Variants in TEK observed in about 807,000 individuals in gnomAD.
The protein encoded by TEK is angiopoietin-1 receptor.
TEK carries 43 observed loss-of-function variants against 131.8 expected under a neutral mutation model. That is an observed-to-expected ratio of 0.33 (90% CI 0.26 to 0.42). TEK has a LOEUF of 0.42. Among genes scored for constraint, TEK ranks in the 10% least tolerant of loss-of-function variants. TEK has a pLI of 1.00. For synonymous variants in TEK, 580 were observed against 491.6 expected, an observed-to-expected ratio of 1.18 and a Z score of -2.38; for missense variants, 1,162 against 1,384.4, an observed-to-expected ratio of 0.84 and a Z score of 2.55.
chr9:27,185,396 T>C (rs1824557377), intron 8 of TEK, 89 bp from the exon 9 acceptor site: 1 of 1,518,608 alleles, frequency 6.6e-7, no homozygotes, highest in Admixed American at 1.7e-5. Flanking sequence ...GGAAACTTCT[T>C]ATTAAACAAT....
intron 21 of TEK, among the ~76,000 whole-genome samples, chr9:27,221,136 A>G (rs12352450): frequency 0.012 from 1,760 of 152,288 alleles, 32 homozygotes; most frequent in African/African-American, 0.039. Flanking sequence ...TCCCCTCACA[A>G]TGTAAAAAAA....
intron 1 of TEK, among the ~76,000 whole-genome samples, chr9:27,149,507 A>C (rs1439861517): frequency 6.6e-6 from 1 of 152,202 alleles, no homozygotes; most frequent in Non-Finnish European, 1.5e-5. Context: ...CCTACTAGGA[A>C]GGCTAGGTGA....
At chr9:27,115,537 C>A (rs1011269541) in intron 1 of TEK, among the ~76,000 whole-genome samples, 2 of 151,912 alleles carry the variant, frequency 1.3e-5, no homozygotes, top group Non-Finnish European at 1.5e-5. Context: ...CTAAATTGAA[C>A]ATAAATATTT....
chr9:27,217,567 A>T, intron 18 of TEK, 121 bp from the exon 19 acceptor site: 1 of 843,546 alleles, frequency 1.2e-6, no homozygotes, highest in Non-Finnish European at 2.0e-6. Flanking sequence ...GCTGGGACAT[A>T]CACAAAGCAA....
chr9:27,180,430 G>T (rs185470630), intron 7 of TEK, 62 bp downstream of exon 7: 8 of 1,577,456 alleles, frequency 5.1e-6, no homozygotes, highest in Non-Finnish European at 6.9e-6. Context: ...AGCTTTGGTA[G>T]TGTAATTCTT....
intron 4 of TEK, among the ~76,000 whole-genome samples, chr9:27,171,771 G>A (rs1037377783): frequency 2.0e-5 from 3 of 152,166 alleles, no homozygotes; most frequent in Admixed American, 2.0e-4. Flanking sequence ...TCAGCTTCTA[G>A]TAGCTTGCCT....
intron 1 of TEK, among the ~76,000 whole-genome samples, chr9:27,113,030 A>C (rs1821405722): frequency 6.6e-6 from 1 of 152,198 alleles, no homozygotes; most frequent in African/African-American, 2.4e-5. Flanking sequence ...AATGGTAATC[A>C]CTTCACTGAA....
At chr9:27,117,444 A>G (rs1821614527) in intron 1 of TEK, among the ~76,000 whole-genome samples, 1 of 152,150 alleles carries the variant, frequency 6.6e-6, no homozygotes, top group South Asian at 2.1e-4. Context: ...CACCTGCAGA[A>G]TGAGTTTTAG....
chr9:27,202,725 C>T, intron 12 of TEK, 95 bp from the exon 13 acceptor site: 1 of 1,350,132 alleles, frequency 7.4e-7, no homozygotes, highest in Non-Finnish European at 1.0e-6. Context: ...ATTTGTTTGC[C>T]TTATATGAGC....
At chr9:27,220,827 T>A (rs1009287909) in intron 21 of TEK, among the ~76,000 whole-genome samples, 2 of 152,202 alleles carry the variant, frequency 1.3e-5, no homozygotes, top group South Asian at 4.1e-4. Flanking sequence ...AACAGGGCCA[T>A]GGGTTGCAAG....
intron 1 of TEK, among the ~76,000 whole-genome samples, chr9:27,136,085 A>ATTTTTAT (rs1554689024): frequency 8.0e-5 from 11 of 137,022 alleles, no homozygotes; most frequent in Admixed American, 6.9e-4. Context: ...CAGGGCAGTT[A>ATTTTTAT]TTTTTTTTTT....
Position 27,190,674 on chromosome 9 carries a change from T to C in TEK, c.1473T>C (p.Ala491=). The change falls in exon 10 of 23, where the codon GCT becomes GCC. Residue 491 remains alanine (A), a synonymous_variant. Transcript: ENST00000380036. ...LLYKPVNHYE[A]WQHIQVTNEI... ...ACAAACCCGTTAATCACTATGAGGCTTGGCAACATATTCAAGGTAAGCTTT... is the reference window on the plus strand; with the variant it reads ...ACAAACCCGTTAATCACTATGAGGCCTGGCAACATATTCAAGGTAAGCTTT... 1 of 1,613,986 alleles carries C rather than the reference T, an allele frequency of 6.2e-7. No homozygotes were observed. The highest frequency in any genetic ancestry group is 8.5e-7 in the Non-Finnish European group (1 of 1,179,862).
At chr9:27,134,899 T>C (rs1822360393) in intron 1 of TEK, among the ~76,000 whole-genome samples, 1 of 152,190 alleles carries the variant, frequency 6.6e-6, no homozygotes, top group Non-Finnish European at 1.5e-5. Context: ...TTCTTGCCCA[T>C]GTTTGTATTG....
At chr9:27,213,430 C>A in intron 17 of TEK, 54 bp from the exon 18 acceptor site, 1 of 1,355,896 alleles carries the variant, frequency 7.4e-7, no homozygotes, top group Non-Finnish European at 1.1e-6. Flanking sequence ...CCAAAGTTTT[C>A]AGCCCTGGGG....
At chr9:27,220,719 C>T (rs35211533) in intron 21 of TEK, among the ~76,000 whole-genome samples, 15,966 of 152,216 alleles carry the variant, frequency 0.1, 1,039 homozygotes, top group Admixed American at 0.19. Flanking sequence ...GAAGGAGGGA[C>T]GGTGCCATGA....
chr9:27,154,614 C>T (rs924388244), intron 1 of TEK, among the ~76,000 whole-genome samples: 1 of 152,166 alleles, frequency 6.6e-6, no homozygotes, highest in African/African-American at 2.4e-5. Flanking sequence ...CTAGCAAATA[C>T]AACTATAGAT....
At chr9:27,140,396 G>GAAAAAA (rs59569720) in intron 1 of TEK, among the ~76,000 whole-genome samples, 2 of 113,366 alleles carry the variant, frequency 1.8e-5, no homozygotes, top group African/African-American at 3.1e-5. Context: ...TAGCAAAAAA[G>GAAAAAA]AAAAAAAAAA....
At chr9:27,140,543 T>C (rs1822688162) in intron 1 of TEK, among the ~76,000 whole-genome samples, 1 of 152,158 alleles carries the variant, frequency 6.6e-6, no homozygotes, top group African/African-American at 2.4e-5. Flanking sequence ...CTATATACGA[T>C]TGCACTGATC....
chr9:27,164,519 A>C (rs377338216), intron 2 of TEK, among the ~76,000 whole-genome samples: 2 of 151,840 alleles, frequency 1.3e-5, no homozygotes, highest in African/African-American at 2.4e-5. Flanking sequence ...TGGAGTTTCA[A>C]TGTGTTAGCC....
Sources: gnomAD v4.1 joint callset for allele counts (sites outside exome capture counted in the v4.1 genomes callset) on GRCh38, gnomAD v4.1.1 for gene constraint, MANE v1.5 for transcripts, NCBI Gene and HGNC (gene_info 2026-07-23, HGNC 2026-07-21) for gene names.